Variants in SGCB observed in about 807,000 individuals in gnomAD.
SGCB encodes the protein sarcoglycan beta, also known as beta-sarcoglycan.
SGCB carries 25 observed loss-of-function variants against 27.3 expected under a neutral mutation model. That is an observed-to-expected ratio of 0.92 (90% CI 0.67 to 1.28). The LOEUF (loss-of-function observed/expected upper bound fraction) is 1.28, where lower values mean the gene tolerates loss of function less well. Among genes scored for constraint, SGCB ranks in the 50% most tolerant of loss-of-function variants. SGCB has a pLI of 0.00. For missense variants in SGCB, 436 were observed against 402.1 expected (o/e 1.08, Z -0.72); for synonymous variants, 147 against 133.5 (o/e 1.10, Z -0.70).
chr4:52,024,827 CAAAAAAAAAAAAA>C (rs3050627), intron 5 of SGCB, among the ~76,000 whole-genome samples: 3 of 55,878 alleles, frequency 5.4e-5, no homozygotes, highest in East Asian at 7.5e-4. Context: ...GACACTGTCT[CAAAAAAAAAAAAA>C]AAAAAAAAAA....
intron 5 of SGCB, among the ~76,000 whole-genome samples, chr4:52,027,114 T>A (rs1417987035): frequency 6.6e-6 from 1 of 152,046 alleles, no homozygotes; most frequent in Non-Finnish European, 1.5e-5. Context: ...GAAATTGAAA[T>A]TTTTTTTAAT....
intron 2 of SGCB, among the ~76,000 whole-genome samples, chr4:52,033,170 T>A (rs540912564): frequency 6.6e-6 from 1 of 152,220 alleles, no homozygotes; most frequent in Non-Finnish European, 1.5e-5. Flanking sequence ...GCTCTACCGA[T>A]TGAGCTAGGT....
intron 1 of SGCB, among the ~76,000 whole-genome samples, chr4:52,037,080 A>G (rs777126359): frequency 7.2e-5 from 11 of 152,220 alleles, no homozygotes; most frequent in Non-Finnish European, 1.2e-4. Context: ...TGGAAAAACA[A>G]TCATCTGAAA....
intron 5 of SGCB, among the ~76,000 whole-genome samples, 163 bp from the exon 6 acceptor site, chr4:52,024,323 G>C (rs1287897289): frequency 1.3e-5 from 2 of 152,082 alleles, no homozygotes; most frequent in Non-Finnish European, 2.9e-5. Flanking sequence ...AAAATATCAG[G>C]ATTCAATGAG....
chr4:52,025,369 C>A (rs1021365498), intron 5 of SGCB, among the ~76,000 whole-genome samples: 1 of 151,066 alleles, frequency 6.6e-6, no homozygotes, highest in Non-Finnish European at 1.5e-5. Flanking sequence ...GTCACACATT[C>A]CAACAGAAAC....
rs957797662 is a variant in SGCB, at chr4:52,021,762, A to G, written c.*2195T>C. 2 of 152,182 alleles carry G rather than the reference A, an allele frequency of 1.3e-5. No individual in the cohort carries two copies. Among genetic ancestry groups the G allele is most frequent in the Non-Finnish European group, 2.9e-5 (2 of 68,030 alleles). The allele number at this position is 152,182 out of a possible 1,614,324, so 9.4% of individuals were successfully genotyped here. ...AATAGATTTTCCAAGCTTATGTTTC[A>G]GGGAAAAAGCCAGGACTACCTGTAA... On this transcript the variant is annotated 3_prime_UTR_variant, in exon 6 of 6. Transcript: ENST00000381431.
At chr4:52,034,878 T>G (rs1157447898) in intron 1 of SGCB, among the ~76,000 whole-genome samples, 1 of 152,194 alleles carries the variant, frequency 6.6e-6, no homozygotes, top group South Asian at 2.1e-4. Context: ...ACATGACCAA[T>G]GTGATGGCAT....
rs1270541999 is a variant in SGCB, at chr4:52,038,171, G to A, written c.33+56C>T. ...GCCAGGGCTCCCGCGGGCCCAGCCGGCAGGACGCGGCCTCCCCCGCTCCTC... is the reference window on the plus strand; with the variant it reads ...GCCAGGGCTCCCGCGGGCCCAGCCGACAGGACGCGGCCTCCCCCGCTCCTC... On this transcript the variant is annotated intron_variant, in intron 1 of 5. Transcript: ENST00000381431. 67 of 1,174,684 alleles carry A rather than the reference G, an allele frequency of 5.7e-5. No individual in the cohort carries two copies. In the African/African-American group the frequency reaches 1.0e-3, roughly 18 times the overall value. 72.8% of individuals were successfully genotyped at this position (1,174,684 alleles called of 1,614,324 possible).
chr4:52,031,849 T>C, intron 2 of SGCB: 1 of 454,322 alleles, frequency 2.2e-6, no homozygotes, highest in African/African-American at 2.0e-5. Context: ...AGAGGGAAAT[T>C]ACATGGCTTT....
chr4:52,038,253 C>T lies in SGCB; in HGVS notation c.7G>A (p.Ala3Thr). The T allele has an allele frequency of 7.7e-7, 1 of 1,297,232 alleles. No homozygotes were observed. The highest frequency in any genetic ancestry group is 9.8e-7 in the Non-Finnish European group (1 of 1,019,512). The allele number at this position is 1,297,232 out of a possible 1,614,324, so 80.4% of individuals were successfully genotyped here. A position where few individuals can be genotyped will look rare whatever the true frequency, so the allele number is the denominator to read the frequency against. The change falls in exon 1 of 6, where the codon GCA (alanine) becomes ACA (threonine). Residue 3 changes from alanine (A) to threonine (T), a missense_variant. Ala to Thr is a moderately conservative substitution (Grantham distance 58). Transcript: ENST00000381431. ...TGTTCTGCAGCCGCCGCCGCCGCTG[C>T]CGCCATCTTCCCGCGCCCGCCGCCG... Reference protein sequence around the residue: MAAAAAAAAEQQS... With the variant: MATAAAAAAEQQS...
rs368914658 is a variant in SGCB, at chr4:52,038,277, C to T, written c.-18G>A. The T allele has an allele frequency of 1.8e-4, 229 of 1,293,694 alleles. No individual in the cohort carries two copies. Among genetic ancestry groups the T allele is most frequent in the Admixed American group, 4.4e-4 (14 of 32,142 alleles). 80.1% of individuals were successfully genotyped at this position (1,293,694 alleles called of 1,614,324 possible). ...GCCGCCATCTTCCCGCGCCCGCCGCCGCCGAGCTCCCCGCCCGACTGTGCC... is the reference window on the plus strand; with the variant it reads ...GCCGCCATCTTCCCGCGCCCGCCGCTGCCGAGCTCCCCGCCCGACTGTGCC... On this transcript the variant is annotated 5_prime_UTR_variant, in exon 1 of 6. Coordinates refer to ENST00000381431, the MANE Select transcript of SGCB (RefSeq NM_000232.5).
chr4:52,033,347 A>G, intron 2 of SGCB, 84 bp downstream of exon 2: 1 of 856,754 alleles, frequency 1.2e-6, no homozygotes, highest in Non-Finnish European at 2.0e-6. Context: ...ATAGAAAAGG[A>G]GAAAATAAAG....
In SGCB at chr4:52,033,523, G is replaced by C; in HGVS notation, c.151C>G (p.Arg51Gly). Residue 51 changes from arginine to glycine, a missense_variant, in exon 2 of 6, where the codon CGT becomes GGT. Physicochemically the swap from Arg to Gly is moderately radical, Grantham distance 125. Transcript: ENST00000381431. ...CCTCTCAACCCTGTTTTGTGGAGAC[G>C]ATCTTCATCAATCGGAATGTATCCA... The part of the protein sequence containing the change: ...KAGYIPIDED[R>G]LHKTGLRGRK... 6.2e-7 allele frequency: 1 copy of C among 1,613,552 alleles called. No homozygotes were observed. Among genetic ancestry groups the C allele is most frequent in the Non-Finnish European group, 8.5e-7 (1 of 1,179,552 alleles).
chr4:52,028,174 A>G, intron 4 of SGCB, 75 bp from the exon 5 acceptor site: 1 of 1,182,664 alleles, frequency 8.5e-7, no homozygotes, highest in Non-Finnish European at 1.2e-6. Flanking sequence ...ATAGAGAAAT[A>G]GAAGCTTCAG....
chr4:52,036,431 G>A (rs1737393426), intron 1 of SGCB, among the ~76,000 whole-genome samples: 2 of 152,154 alleles, frequency 1.3e-5, no homozygotes, highest in Admixed American at 1.3e-4. Context: ...AAGAACAATG[G>A]ACTTTATCCT....
intron 2 of SGCB, among the ~76,000 whole-genome samples, chr4:52,032,719 C>A (rs538682958): frequency 6.6e-6 from 1 of 152,258 alleles, no homozygotes; most frequent in African/African-American, 2.4e-5. Context: ...AGAATCACTT[C>A]AAAACTGCTG....
intron 2 of SGCB, 55 bp from the exon 3 acceptor site, chr4:52,029,918 G>A (rs1737208183): frequency 2.3e-6 from 3 of 1,321,702 alleles, no homozygotes; most frequent in Middle Eastern, 3.7e-4. Flanking sequence ...AATGTAATTG[G>A]AAAACAAATA....
At chr4:52,025,553 C>G (rs1325530474) in intron 5 of SGCB, among the ~76,000 whole-genome samples, 1 of 152,166 alleles carries the variant, frequency 6.6e-6, no homozygotes, top group Non-Finnish European at 1.5e-5. Flanking sequence ...GGAGATGAGT[C>G]AAAGAAATAA....
Position 52,038,295 on chromosome 4 carries a change from A to C in SGCB, c.-36T>G. The stretch of plus-strand genomic sequence containing the variant: ...CCGCCGCCGCCGAGCTCCCCGCCCG[A>C]CTGTGCCCGCCCCTCCGCGACCGCA... On this transcript the variant is annotated 5_prime_UTR_variant, in exon 1 of 6. Coordinates refer to ENST00000381431, the MANE Select transcript of SGCB (RefSeq NM_000232.5). The C allele has an allele frequency of 7.8e-7, 1 of 1,277,782 alleles. No individual in the cohort carries two copies. The highest frequency in any genetic ancestry group is 9.9e-7 in the Non-Finnish European group (1 of 1,012,440). 79.2% of individuals were successfully genotyped at this position (1,277,782 alleles called of 1,614,324 possible). A position where few individuals can be genotyped will look rare whatever the true frequency, so the allele number is the denominator to read the frequency against.
Sources: allele counts gnomAD v4.1 joint callset (sites outside exome capture counted in the v4.1 genomes callset), GRCh38; gene constraint gnomAD v4.1.1; transcripts MANE v1.5; gene names NCBI Gene and HGNC (gene_info 2026-07-23, HGNC 2026-07-21).